Variants in ITSN1 observed in about 807,000 individuals in gnomAD.
ITSN1 encodes the protein intersectin 1.
A neutral mutation model predicts 239.8 loss-of-function variants in ITSN1; 58 were observed. The ratio of observed to expected loss-of-function variants is 0.24; its 90% confidence interval spans 0.20 to 0.30. The LOEUF (loss-of-function observed/expected upper bound fraction) is 0.30. Ranked by LOEUF, ITSN1 falls within the 10% of genes least tolerant of loss-of-function variation. The pLI, the probability that ITSN1 is intolerant of heterozygous loss-of-function variation, is 1.00. For synonymous variants in ITSN1, 780 were observed against 770.8 expected (o/e 1.01, Z -0.20); for missense variants, 1,558 against 2,103.3 (o/e 0.74, Z 5.07).
chr21:33,755,816 A>G (rs957323247), intron 8 of ITSN1, among the ~76,000 whole-genome samples: 5 of 141,222 alleles, frequency 3.5e-5, no homozygotes, highest in Admixed American at 6.7e-5. Context: ...TCTGTCTCAG[A>G]TAACTGCCTA....
chr21:33,794,460 A>G lies in ITSN1; in HGVS notation c.1944A>G (p.Glu648=), dbSNP rs764901666. ...KIIELEKQKE[E]AQRRAQERDK... ...TAGAATTAGAAAAACAAAAAGAAGA[A>G]GCCCAAAGGTGAGTCTTCTTTGGAT... Residue 648 remains glutamate (E), a synonymous_variant, in exon 17 of 40, where the codon GAA becomes GAG. Transcript: ENST00000381318. The G allele has an allele frequency of 6.2e-7, 1 of 1,611,096 alleles. No homozygotes were observed. The highest frequency in any genetic ancestry group is 8.5e-7 in the Non-Finnish European group (1 of 1,179,104).
chr21:33,838,828 G>C (rs571301668), intron 29 of ITSN1, among the ~76,000 whole-genome samples: 41 of 152,284 alleles, frequency 2.7e-4, no homozygotes, highest in African/African-American at 9.6e-4. Flanking sequence ...ATTTGGCTCA[G>C]GGTACAAACC....
chr21:33,879,805 G>A (rs1429472992), intron 34 of ITSN1, among the ~76,000 whole-genome samples: 3 of 152,082 alleles, frequency 2.0e-5, no homozygotes, highest in East Asian at 1.9e-4. Flanking sequence ...TCAGCTTCCC[G>A]AGTAGCTGGA....
At chr21:33,773,408 G>A (rs1425616782) in intron 12 of ITSN1, among the ~76,000 whole-genome samples, 1 of 152,146 alleles carries the variant, frequency 6.6e-6, no homozygotes, top group Non-Finnish European at 1.5e-5. Flanking sequence ...CTGGAAAGGG[G>A]CTAAGCAAAT....
At chr21:33,878,621 C>A (rs935249103) in intron 34 of ITSN1, among the ~76,000 whole-genome samples, 1 of 152,206 alleles carries the variant, frequency 6.6e-6, no homozygotes, top group Non-Finnish European at 1.5e-5. Flanking sequence ...GGTTCCTCCA[C>A]GGCCCCATCT....
intron 1 of ITSN1, among the ~76,000 whole-genome samples, chr21:33,669,473 T>C (rs1348882159): frequency 6.7e-6 from 1 of 150,332 alleles, no homozygotes; most frequent in Non-Finnish European, 1.5e-5. Context: ...GGAGTCTCGC[T>C]CTGTCACCCA....
chr21:33,730,388 C>CTTTTTTT lies in ITSN1; in HGVS notation c.186-4634_186-4628dup, dbSNP rs71194863. ...TAACCTGCTATAAATGCTCTCTGTT[C>CTTTTTTT]TTTTTTTTTTTTTTTTTTTTTTTTT... On this transcript the variant is annotated intron_variant, in intron 4 of 39. Coordinates refer to ENST00000381318, the MANE Select transcript of ITSN1 (RefSeq NM_003024.3). Among the ~76,000 whole-genome samples the CTTTTTTT allele has an allele frequency of 4.4e-3, 217 of 49,378 alleles. 21 individuals carry two copies. The highest frequency in any genetic ancestry group is 5.1e-3 in the African/African-American group (64 of 12,550). 32.4% of individuals were successfully genotyped at this position (49,378 alleles called of 152,430 possible).
intron 1 of ITSN1, among the ~76,000 whole-genome samples, chr21:33,700,333 C>T (rs1245263163): frequency 6.6e-6 from 1 of 152,158 alleles, no homozygotes; most frequent in Non-Finnish European, 1.5e-5. Context: ...GATCCACCTG[C>T]CTCGGCTTCC....
At chr21:33,685,745 T>C (rs1307134185) in intron 1 of ITSN1, among the ~76,000 whole-genome samples, 2 of 152,178 alleles carry the variant, frequency 1.3e-5, no homozygotes, top group Admixed American at 6.5e-5. Context: ...ACTTTGACCT[T>C]GCACTTTAAA....
rs535877929 is a variant in ITSN1 at position 33,683,741 on chromosome 21, T to A, written c.-32-35056T>A. On this transcript the variant is annotated intron_variant, in intron 1 of 39. Coordinates refer to ENST00000381318, the MANE Select transcript of ITSN1 (RefSeq NM_003024.3). ...TTATTAAACTCCTTTAAATAACTCC[T>A]GTGCTTAATGCAGTTTCCAAATATT... Among the ~76,000 whole-genome samples, 4 of 152,366 alleles carry A rather than the reference T, an allele frequency of 2.6e-5. No homozygotes were observed. In the East Asian group the frequency reaches 7.7e-4, roughly 29 times the overall value.
At chr21:33,813,131 C>T (rs1257853357) in intron 21 of ITSN1, among the ~76,000 whole-genome samples, 1 of 152,050 alleles carries the variant, frequency 6.6e-6, no homozygotes, top group East Asian at 1.9e-4. Flanking sequence ...GTATTGTTCC[C>T]ATTTTATCAA....
intron 1 of ITSN1, among the ~76,000 whole-genome samples, chr21:33,686,891 G>T (rs1275263564): frequency 2.0e-5 from 3 of 152,180 alleles, no homozygotes; most frequent in Non-Finnish European, 4.4e-5. Flanking sequence ...TTTATGGATG[G>T]AATTGTTCTC....
intron 1 of ITSN1, among the ~76,000 whole-genome samples, chr21:33,713,135 C>T (rs777785889): frequency 2.9e-4 from 44 of 152,124 alleles, no homozygotes; most frequent in Non-Finnish European, 5.0e-4. Flanking sequence ...GCCTTGGCCT[C>T]GCAAAGTGCT....
At chr21:33,853,290 G>A (rs545637002) in intron 29 of ITSN1, among the ~76,000 whole-genome samples, 4 of 152,310 alleles carry the variant, frequency 2.6e-5, no homozygotes, top group Admixed American at 6.5e-5. Flanking sequence ...CTTGCCCAGC[G>A]CTTCCCCTGA....
At chr21:33,719,693 G>A (rs1412748531) in intron 2 of ITSN1, among the ~76,000 whole-genome samples, 2 of 152,096 alleles carry the variant, frequency 1.3e-5, no homozygotes, top group East Asian at 3.9e-4. Context: ...TGAAGTGATG[G>A]GGTCATTTAC....
At chr21:33,690,847 T>TA (rs755469647) in intron 1 of ITSN1, among the ~76,000 whole-genome samples, 1,434 of 49,362 alleles carry the variant, frequency 0.029, 48 homozygotes, top group African/African-American at 0.039. Flanking sequence ...ATGTAAAAGT[T>TA]AAAAAAAAAA....
At chr21:33,794,624 G>T (rs1190726753) in intron 17 of ITSN1, among the ~76,000 whole-genome samples, 156 bp downstream of exon 17, 1 of 152,164 alleles carries the variant, frequency 6.6e-6, no homozygotes, top group Admixed American at 6.5e-5. Flanking sequence ...GTGTATATAT[G>T]AATCTTTGCA....
At chr21:33,721,667 C>T (rs1177140503) in intron 3 of ITSN1, among the ~76,000 whole-genome samples, 2 of 150,946 alleles carry the variant, frequency 1.3e-5, no homozygotes, top group Non-Finnish European at 3.0e-5. Context: ...TCGTGGTGGG[C>T]GCCTGTAATC....
rs1316750623 is a variant in ITSN1, at chr21:33,767,779, G to A, written c.993G>A (p.Glu331=). 1 of 1,612,924 alleles carries A rather than the reference G, an allele frequency of 6.2e-7. No homozygotes were observed. ...CATCTGTAGATCAGAGGCTACCAGA[G>A]GAACCAGTTTTAGAAGATGAACAAC... ...SSTSVDQRLP[E]EPVLEDEQQQ... Residue 331 remains glutamate, a synonymous_variant, in exon 11 of 40, where the codon GAG becomes GAA. Coordinates refer to ENST00000381318, the MANE Select transcript of ITSN1 (RefSeq NM_003024.3).
Sources: gnomAD v4.1 joint callset for allele counts (sites outside exome capture counted in the v4.1 genomes callset) on GRCh38, gnomAD v4.1.1 for gene constraint, MANE v1.5 for transcripts, NCBI Gene and HGNC (gene_info 2026-07-23, HGNC 2026-07-21) for gene names.